CCR6: variants seen among roughly 807,000 people sequenced by gnomAD.
CCR6 encodes C-C chemokine receptor type 6.
CCR6 carries 2 observed loss-of-function variants against 3.0 expected under a neutral mutation model. The observed-to-expected ratio is 0.66, with a 90% CI of 0.27 to 2.07. The LOEUF is 2.07. Among genes scored for constraint, CCR6 ranks in the 30% most tolerant of loss-of-function variants. The pLI, the probability that CCR6 is intolerant of heterozygous loss-of-function variation, is 0.14. For synonymous variants in CCR6, 193 were observed against 184.3 expected (o/e 1.05, Z -0.38); for missense variants, 322 against 462.8 (o/e 0.70, Z 2.79).
chr6:167,128,923 TACA>T (rs1209558140), intron 1 of CCR6, among the ~76,000 whole-genome samples: 1 of 152,192 alleles, frequency 6.6e-6, no homozygotes, highest in African/African-American at 2.4e-5. Flanking sequence ...TACTGAATTT[TACA>T]ACATTAGATT....
chr6:167,112,167 T>A (rs1248819794), intron 1 of CCR6, among the ~76,000 whole-genome samples: 9 of 152,240 alleles, frequency 5.9e-5, no homozygotes. Context: ...ACTTTAGTCA[T>A]CCCAAAAAGA....
upstream of CCR6, among the ~76,000 whole-genome samples, chr6:167,122,582 G>A (rs191039772): frequency 1.3e-5 from 2 of 152,160 alleles, no homozygotes; most frequent in Non-Finnish European, 2.9e-5. This position sits in a 1 kb window ranked among gnomAD's most constrained non-coding sequence, Gnocchi z 4.2. Flanking sequence ...TTCCGTGGAC[G>A]GGCATGGCTA....
chr6:167,132,974 T>C (rs1299598872), intron 1 of CCR6, among the ~76,000 whole-genome samples: 1 of 152,252 alleles, frequency 6.6e-6, no homozygotes, highest in Non-Finnish European at 1.5e-5. Context: ...TTATTGTTTA[T>C]GTTTTTGATA....
chr6:167,118,923 G>A (rs1377329445), upstream of CCR6, among the ~76,000 whole-genome samples: 1 of 152,138 alleles, frequency 6.6e-6, no homozygotes, highest in Non-Finnish European at 1.5e-5. Flanking sequence ...TGTCAGGCAG[G>A]GCTGCCGCCA....
intron 1 of CCR6, among the ~76,000 whole-genome samples, chr6:167,114,239 C>G (rs113943899): frequency 6.6e-6 from 1 of 152,218 alleles, no homozygotes; most frequent in Admixed American, 6.5e-5. Context: ...CCTGTGCTGT[C>G]CCCACCTCCT....
At position 167,137,167 on chromosome 6, in the gene CCR6, C is replaced by A; in HGVS notation, c.937C>A (p.Pro313Thr). 1 of 1,614,104 alleles carries A rather than the reference C, an allele frequency of 6.2e-7. No individual in the cohort carries two copies. The highest frequency in any genetic ancestry group is 8.5e-7 in the Non-Finnish European group (1 of 1,179,984). ...GGCTTTCCTGCACTGCTGCCTGAACCCTGTGCTCTACGCTTTTATTGGGCA... is the reference window on the plus strand; with the variant it reads ...GGCTTTCCTGCACTGCTGCCTGAACACTGTGCTCTACGCTTTTATTGGGCA... ...VLAFLHCCLN[P>T]VLYAFIGQKF... The change falls in exon 3 of 3, where the codon CCT becomes ACT. Residue 313 changes from proline (P) to threonine (T), a missense_variant. Pro to Thr is a conservative substitution (Grantham distance 38). Transcript: ENST00000341935. This position sits in a 1 kb window ranked among gnomAD's most constrained non-coding sequence, Gnocchi z 4.6.
intron 1 of CCR6, chr6:167,115,115 C>T (rs1582989200): frequency 6.6e-6 from 1 of 152,204 alleles, no homozygotes; most frequent in Non-Finnish European, 1.5e-5. Flanking sequence ...CTGTCTCCTC[C>T]GACATACATC....
At chr6:167,127,736 A>G (rs1781690531) in intron 1 of CCR6, among the ~76,000 whole-genome samples, 1 of 152,182 alleles carries the variant, frequency 6.6e-6, no homozygotes, top group Admixed American at 6.5e-5. Context: ...CCTGGCCTCA[A>G]GTGATCCACC....
intron 1 of CCR6, among the ~76,000 whole-genome samples, chr6:167,123,797 G>T (rs1781623199): frequency 6.6e-6 from 1 of 152,144 alleles, no homozygotes; most frequent in Non-Finnish European, 1.5e-5. Context: ...CTTATGACCA[G>T]AAAATAATAC....
chr6:167,128,001 G>A (rs1056521630), intron 1 of CCR6, among the ~76,000 whole-genome samples: 3 of 152,178 alleles, frequency 2.0e-5, no homozygotes, highest in Non-Finnish European at 4.4e-5. Flanking sequence ...CACATGGCTC[G>A]GCTTGTGGCC....
At chr6:167,116,505 A>G (rs1173843445) in intron 1 of CCR6, among the ~76,000 whole-genome samples, 1 of 152,158 alleles carries the variant, frequency 6.6e-6, no homozygotes, top group Admixed American at 6.5e-5. Flanking sequence ...CCCTTCTCCC[A>G]GCCCAAGCCA....
At chr6:167,124,894 G>A (rs995118172) in intron 1 of CCR6, among the ~76,000 whole-genome samples, 1 of 151,220 alleles carries the variant, frequency 6.6e-6, no homozygotes, top group African/African-American at 2.4e-5. Context: ...ACACATGCAT[G>A]CATACACACA....
intron 1 of CCR6, among the ~76,000 whole-genome samples, chr6:167,113,484 C>T (rs572166873): frequency 3.3e-5 from 5 of 152,274 alleles, no homozygotes; most frequent in African/African-American, 1.2e-4. Context: ...CCATTTAATG[C>T]GGAAGCAGAT....
intron 1 of CCR6, among the ~76,000 whole-genome samples, chr6:167,126,847 G>A (rs986230373): frequency 1.3e-5 from 2 of 152,172 alleles, no homozygotes; most frequent in African/African-American, 4.8e-5. Flanking sequence ...TTTACAGGGG[G>A]CTTCCCTCTT....
chr6:167,132,942 T>C (rs1781793668), intron 1 of CCR6, among the ~76,000 whole-genome samples: 1 of 152,238 alleles, frequency 6.6e-6, no homozygotes, highest in Non-Finnish European at 1.5e-5. Flanking sequence ...GTGAATTGCC[T>C]GTTCACATTT....
At chr6:167,113,578 C>T (rs980781682) in intron 1 of CCR6, among the ~76,000 whole-genome samples, 3 of 152,186 alleles carry the variant, frequency 2.0e-5, no homozygotes, top group African/African-American at 7.2e-5. Context: ...CCCAGCGGCT[C>T]CACGAATGGG....
At chr6:167,116,362 G>A (rs1359623582) in intron 1 of CCR6, among the ~76,000 whole-genome samples, 1 of 152,036 alleles carries the variant, frequency 6.6e-6, no homozygotes, top group East Asian at 1.9e-4. Flanking sequence ...CAGCACCCCC[G>A]ACGCTTTCTG....
intron 1 of CCR6, among the ~76,000 whole-genome samples, chr6:167,113,906 G>T (rs1353581397): frequency 1.3e-5 from 2 of 152,204 alleles, no homozygotes; most frequent in African/African-American, 4.8e-5. Context: ...AGAATGAGAA[G>T]ATGGATAGAT....
chr6:167,136,987 A>ATCCGTG lies in CCR6; in HGVS notation c.759_764dup (p.Arg254_Val255dup). ...TCAGAATTCTAAAAGGCACAAAGCCATCCGTGTAATCATAGCTGTGGTGCT... is the reference window on the plus strand; with the variant it reads ...TCAGAATTCTAAAAGGCACAAAGCCATCCGTGTCCGTGTAATCATAGCTGTGGTGCT... On this transcript the variant is annotated inframe_insertion, in exon 3 of 3. Coordinates refer to ENST00000341935, the MANE Select transcript of CCR6 (RefSeq NM_031409.4). The surrounding 1 kb of genome is among the most constrained non-coding windows in gnomAD (Gnocchi z 4.6). The ATCCGTG allele has an allele frequency of 6.2e-7, 1 of 1,614,244 alleles. No individual in the cohort carries two copies. The highest frequency in any genetic ancestry group is 8.5e-7 in the Non-Finnish European group (1 of 1,180,040).
Sources: allele counts gnomAD v4.1 joint callset (sites outside exome capture counted in the v4.1 genomes callset), GRCh38; gene constraint gnomAD v4.1.1; non-coding constraint Gnocchi (gnomAD v3.1); transcripts MANE v1.5; gene names NCBI Gene and HGNC (gene_info 2026-07-23, HGNC 2026-07-21).